The following AKAP13 variants were observed in gnomAD, a reference collection of about 807,000 sequenced individuals.
AKAP13 encodes the protein A-kinase anchoring protein 13, also known as A-kinase anchor protein 13.
AKAP13 carries 80 observed loss-of-function variants against 264.5 expected under a neutral mutation model. The ratio of observed to expected loss-of-function variants is 0.30; its 90% CI spans 0.25 to 0.36. The LOEUF (loss-of-function observed/expected upper bound fraction) is 0.36, where lower values mean the gene tolerates loss of function less well. Among genes scored for constraint, AKAP13 ranks in the 10% least tolerant of loss-of-function variants. The pLI is 1.00. For missense variants in AKAP13, 3,712 were observed against 3,435.2 expected (o/e 1.08, Z -2.01); for synonymous variants, 1,380 against 1,250.2 (o/e 1.10, Z -2.19).
At chr15:85,528,523 G>A (rs1368861160) in intron 3 of AKAP13, among the ~76,000 whole-genome samples, 2 of 152,142 alleles carry the variant, frequency 1.3e-5, no homozygotes, top group Non-Finnish European at 1.5e-5. Flanking sequence ...CAGCTCTAAT[G>A]TTTTTAACAA....
chr15:85,659,598 T>G (rs115842312), intron 12 of AKAP13, among the ~76,000 whole-genome samples: 49 of 145,324 alleles, frequency 3.4e-4, no homozygotes, highest in African/African-American at 1.1e-3. Flanking sequence ...AGTTTTTCAG[T>G]AGAAGGTTCT....
chr15:85,630,160 A>AACAC (rs1398410894), intron 8 of AKAP13, among the ~76,000 whole-genome samples: 3 of 112,360 alleles, frequency 2.7e-5, no homozygotes, highest in East Asian at 2.4e-4. Context: ...TCTGTTTTTT[A>AACAC]ACACATACAC....
chr15:85,525,963 T>C (rs1489330438), intron 3 of AKAP13, among the ~76,000 whole-genome samples: 1 of 152,248 alleles, frequency 6.6e-6, no homozygotes, highest in Non-Finnish European at 1.5e-5. Context: ...GAATCTTTCA[T>C]AAAATGAAAT....
intron 20 of AKAP13, 124 bp downstream of exon 20, chr15:85,716,047 T>C (rs984062630): frequency 1.5e-5 from 19 of 1,264,576 alleles, no homozygotes; most frequent in Non-Finnish European, 2.0e-5. Flanking sequence ...CATGGGTTGG[T>C]GCAGACAAGG....
chr15:85,693,603 A>T, intron 17 of AKAP13, 152 bp downstream of exon 17: 1 of 1,355,006 alleles, frequency 7.4e-7, no homozygotes, highest in Non-Finnish European at 9.7e-7. Context: ...TAAAAGAAAG[A>T]AATTCTAGAT....
chr15:85,717,470 A>G (rs563130366), intron 21 of AKAP13, 68 bp downstream of exon 21: 19 of 1,050,044 alleles, frequency 1.8e-5, no homozygotes, highest in African/African-American at 1.6e-4. Context: ...TACCTAGAAC[A>G]TAAGTCTTAA....
chr15:85,655,937 G>T lies in AKAP13; in HGVS notation c.4745+150G>T, dbSNP rs1021548639. On this transcript the variant is annotated intron_variant, in intron 11 of 36. Coordinates refer to ENST00000394518, the MANE Select transcript of AKAP13 (RefSeq NM_007200.5). ...TTGGAATCAGGAAAATCTGTGTTCA[G>T]ACCCCAGCTCCAAAATTTACTATGT... 4.6e-6 allele frequency: 6 copies of T among 1,305,962 alleles called. 1 individual carries two copies. The highest frequency in any genetic ancestry group is 5.6e-4 in the Middle Eastern group (2 of 3,554). The allele number at this position is 1,305,962 out of a possible 1,614,324, so 80.9% of individuals were successfully genotyped here.
chr15:85,625,336 C>G (rs115260279), intron 8 of AKAP13, among the ~76,000 whole-genome samples: 1 of 152,314 alleles, frequency 6.6e-6, no homozygotes, highest in African/African-American at 2.4e-5. Context: ...ATTGCCAACA[C>G]TGATGATTTT....
chr15:85,537,002 A>G (rs1315172674), intron 4 of AKAP13: 1 of 152,222 alleles, frequency 6.6e-6, no homozygotes, highest in Non-Finnish European at 1.5e-5. Context: ...AACAAAAGAA[A>G]TTGTGTAAGT....
chr15:85,695,284 A>G (rs144424375), intron 17 of AKAP13, among the ~76,000 whole-genome samples: 2 of 152,134 alleles, frequency 1.3e-5, no homozygotes, highest in African/African-American at 4.8e-5. Flanking sequence ...CGTGCCTGTA[A>G]CCTCAACTAC....
intron 4 of AKAP13, 138 bp downstream of exon 4, chr15:85,534,018 A>G: frequency 1.0e-6 from 1 of 971,718 alleles, no homozygotes; most frequent in South Asian, 1.8e-5. Context: ...ACTGTAGGAA[A>G]GTGGCCTCAA....
At chr15:85,729,528 T>C (rs1454098892) in intron 29 of AKAP13, among the ~76,000 whole-genome samples, 1 of 152,156 alleles carries the variant, frequency 6.6e-6, no homozygotes, top group East Asian at 1.9e-4. Flanking sequence ...GGCGCCATGG[T>C]CTGCTGCTAA....
At position 85,533,757 on chromosome 15, in the gene AKAP13, C is replaced by T. The variant is rs909517220; in HGVS notation, c.355C>T (p.Leu119Phe). The change falls in exon 4 of 37, where the codon CTT (leucine) becomes TTT (phenylalanine). Residue 119 changes from leucine (L) to phenylalanine (F), a missense_variant. Coordinates refer to ENST00000394518, the MANE Select transcript of AKAP13 (RefSeq NM_007200.5). Reference protein sequence around the residue: ...NQQALNFTRFLDQSGPPSGDV... With the variant: ...NQQALNFTRFFDQSGPPSGDV... ...GCAGGCTTTGAACTTTACCCGTTTT[C>T]TTGACCAGTCAGGACCCCCATCTGG... 3.7e-6 allele frequency: 6 copies of T among 1,614,044 alleles called. No individual in the cohort carries two copies. In the African/African-American group the frequency reaches 6.7e-5, roughly 18 times the overall value.
At chr15:85,475,989 A>G (rs960226852) in intron 1 of AKAP13, among the ~76,000 whole-genome samples, 7 of 152,292 alleles carry the variant, frequency 4.6e-5, no homozygotes, top group Middle Eastern at 6.8e-3. Context: ...TAGATTAAAA[A>G]CAAGTTGGGG....
rs1241839145 is a variant in AKAP13, at chr15:85,581,094, C to T, written c.3026C>T (p.Thr1009Ile). Residue 1009 changes from threonine to isoleucine, a missense_variant, in exon 7 of 37, where the codon ACT (threonine) becomes ATT (isoleucine). Transcript: ENST00000394518. ...KEVAPQVSLLTQGGAAQSLVP... is the reference protein window; with the variant it reads ...KEVAPQVSLLIQGGAAQSLVP... ...GTGGCCCCACAAGTCTCACTGCTGA[C>T]TCAAGGTGGGGCTGCCCAGAGCCTG... 2 of 1,613,936 alleles carry T rather than the reference C, an allele frequency of 1.2e-6. No individual in the cohort carries two copies. The highest frequency in any genetic ancestry group is 2.7e-5 in the African/African-American group (2 of 74,932).
At chr15:85,667,482 G>A (rs1442616233) in intron 13 of AKAP13, among the ~76,000 whole-genome samples, 2 of 152,180 alleles carry the variant, frequency 1.3e-5, no homozygotes, top group Non-Finnish European at 1.5e-5. Flanking sequence ...TTCTTGGATG[G>A]CTACTGAGCA....
At chr15:85,540,591 T>C (rs1350954990) in intron 4 of AKAP13, among the ~76,000 whole-genome samples, 2 of 152,196 alleles carry the variant, frequency 1.3e-5, no homozygotes, top group Admixed American at 6.5e-5. Flanking sequence ...GGAGTACTGA[T>C]GCAGAGAAAA....
At position 85,623,961 on chromosome 15, in the gene AKAP13, C is replaced by T. The variant is rs116457352; in HGVS notation, c.4162-15413C>T. Among the ~76,000 whole-genome samples the T allele has an allele frequency of 9.0e-3, 1,368 of 152,340 alleles. 18 individuals carry two copies. The highest frequency in any genetic ancestry group is 0.032 in the African/African-American group (1,310 of 41,572). On this transcript the variant is annotated intron_variant, in intron 8 of 36. Transcript: ENST00000394518. ...TCCTTCAAAAAGCTAGTGTTGACCT[C>T]GGAAGTTGGTAACTGATGGGAGCTT...
chr15:85,674,110 G>T (rs1215057309), intron 14 of AKAP13, among the ~76,000 whole-genome samples: 19 of 151,706 alleles, frequency 1.3e-4, no homozygotes, highest in Admixed American at 1.2e-3. Context: ...TGGTGATAAT[G>T]TTGAAAGGGG....
Sources: allele counts gnomAD v4.1 joint callset (sites outside exome capture counted in the v4.1 genomes callset), GRCh38; gene constraint gnomAD v4.1.1; transcripts MANE v1.5; gene names NCBI Gene and HGNC (gene_info 2026-07-23, HGNC 2026-07-21).